Variants in CNTNAP2 observed in about 807,000 individuals in gnomAD.
CNTNAP2 encodes contactin-associated protein-like 2.
Under a neutral mutation model 155.2 loss-of-function variants are expected in CNTNAP2, and 98 were observed. The observed-to-expected ratio is 0.63, with a 90% CI of 0.54 to 0.75. CNTNAP2 has a LOEUF of 0.75. Ranked by LOEUF, CNTNAP2 falls within the 30% of genes least tolerant of loss-of-function variation. The pLI, the probability that CNTNAP2 is intolerant of heterozygous loss-of-function variation, is 0.00. For missense variants in CNTNAP2, 1,727 were observed against 1,688.1 expected (o/e 1.02, Z -0.40); for synonymous variants, 651 against 631.2 (o/e 1.03, Z -0.47).
At chr7:148,135,508 A>G (rs1025805760) in intron 16 of CNTNAP2, among the ~76,000 whole-genome samples, 1 of 152,142 alleles carries the variant, frequency 6.6e-6, no homozygotes, top group Non-Finnish European at 1.5e-5. Flanking sequence ...TTTTTATCAC[A>G]TACTCACATA....
At chr7:146,438,607 A>T (rs1248819311) in intron 1 of CNTNAP2, among the ~76,000 whole-genome samples, 1 of 151,494 alleles carries the variant, frequency 6.6e-6, no homozygotes, top group Non-Finnish European at 1.5e-5. Flanking sequence ...GGTTATTTTC[A>T]TGAAAATAGC....
chr7:147,586,543 AAGGGAGGGAGGGAGGG>A (rs751000962), intron 12 of CNTNAP2, among the ~76,000 whole-genome samples: 15 of 48,918 alleles, frequency 3.1e-4, no homozygotes, highest in African/African-American at 1.1e-3. Flanking sequence ...GGAAGGAAGG[AAGGGAGGGAGGGAGGG>A]AGGGAGGGAG....
chr7:147,425,323 T>G (rs1000006316), intron 10 of CNTNAP2, among the ~76,000 whole-genome samples: 1 of 151,472 alleles, frequency 6.6e-6, no homozygotes, highest in African/African-American at 2.4e-5. Flanking sequence ...GTATGAAAAA[T>G]AGAGAGGATT....
intron 3 of CNTNAP2, among the ~76,000 whole-genome samples, chr7:146,889,010 C>T (rs145697903): frequency 6.6e-6 from 1 of 152,088 alleles, no homozygotes; most frequent in East Asian, 1.9e-4. Flanking sequence ...CACAGATACA[C>T]ACATGCACAC....
At chr7:146,182,248 G>A (rs1439129140) in intron 1 of CNTNAP2, among the ~76,000 whole-genome samples, 1 of 151,980 alleles carries the variant, frequency 6.6e-6, no homozygotes, top group East Asian at 1.9e-4. Context: ...CTTTTTGTTT[G>A]TTTGTTTGAT....
chr7:147,033,221 C>G (rs1185658432), intron 3 of CNTNAP2, among the ~76,000 whole-genome samples: 2 of 136,632 alleles, frequency 1.5e-5, no homozygotes, highest in African/African-American at 2.7e-5. Flanking sequence ...GTTGGCATGT[C>G]TCACAATGTT....
intron 14 of CNTNAP2, among the ~76,000 whole-genome samples, chr7:147,933,076 TG>T (rs1800535072): frequency 6.8e-6 from 1 of 146,484 alleles, no homozygotes; most frequent in Non-Finnish European, 1.5e-5. Flanking sequence ...TTTGTTTGTT[TG>T]TTTGTTTGTT....
chr7:146,668,865 T>A (rs1230640035), intron 1 of CNTNAP2, among the ~76,000 whole-genome samples: 1 of 152,118 alleles, frequency 6.6e-6, no homozygotes, highest in East Asian at 1.9e-4. Flanking sequence ...TTTTCATTTA[T>A]GATTTTTATT....
chr7:147,607,988 T>C (rs1215297999), intron 12 of CNTNAP2, among the ~76,000 whole-genome samples: 1 of 152,218 alleles, frequency 6.6e-6, no homozygotes, highest in Non-Finnish European at 1.5e-5. Context: ...TTTACATTTT[T>C]AGGTTGGACC....
At chr7:148,066,216 T>C (rs1036428778) in intron 15 of CNTNAP2, among the ~76,000 whole-genome samples, 5 of 152,222 alleles carry the variant, frequency 3.3e-5, no homozygotes, top group Non-Finnish European at 7.3e-5. Flanking sequence ...GCTCGTAAGA[T>C]TCTTTCCTTT....
At chr7:146,523,797 C>T (rs553861616) in intron 1 of CNTNAP2, among the ~76,000 whole-genome samples, 2 of 152,214 alleles carry the variant, frequency 1.3e-5, no homozygotes, top group Middle Eastern at 3.4e-3. Flanking sequence ...AATTAAATCA[C>T]CAACATTATT....
chr7:146,234,342 A>G (rs1426266434), intron 1 of CNTNAP2, among the ~76,000 whole-genome samples: 3 of 152,072 alleles, frequency 2.0e-5, no homozygotes, highest in Admixed American at 6.6e-5. Flanking sequence ...GTTTGAGTTC[A>G]TTGTATATTC....
In CNTNAP2 at chr7:146,163,273, C is replaced by T. The variant is rs558103358; in HGVS notation, c.97+46300C>T. 7.9e-5 allele frequency among the ~76,000 whole-genome samples: 12 copies of T among 151,572 alleles called. No individual in the cohort carries two copies. In the East Asian group the frequency reaches 2.3e-3, roughly 29 times the overall value. ...CATTCTTCATCAGTTCTCAAAATAT[C>T]ATCTAAAAGGAAAGGGTGAGCCAGA... On this transcript the variant is annotated intron_variant, in intron 1 of 23. Transcript: ENST00000361727.
At chr7:147,140,207 C>A (rs1801564518) in intron 8 of CNTNAP2, among the ~76,000 whole-genome samples, 1 of 152,034 alleles carries the variant, frequency 6.6e-6, no homozygotes, top group African/African-American at 2.4e-5. Context: ...TCTGTTCTCT[C>A]TACAATCACT....
intron 1 of CNTNAP2, among the ~76,000 whole-genome samples, chr7:146,241,608 AT>A (rs11440591): frequency 0.15 from 23,287 of 151,976 alleles, 2,108 homozygotes; most frequent in African/African-American, 0.24. Flanking sequence ...TTAATGTGAC[AT>A]TTTTTTTAGA....
At chr7:147,016,394 A>G (rs181610658) in intron 3 of CNTNAP2, among the ~76,000 whole-genome samples, 1 of 152,240 alleles carries the variant, frequency 6.6e-6, no homozygotes, top group Admixed American at 6.5e-5. Context: ...CCTGTATTCA[A>G]ATCTCCCCTC....
At chr7:146,447,161 C>T (rs987114739) in intron 1 of CNTNAP2, among the ~76,000 whole-genome samples, 1 of 152,000 alleles carries the variant, frequency 6.6e-6, no homozygotes, top group African/African-American at 2.4e-5. Context: ...CTGCATCTAA[C>T]ATTTGGGGGA....
intron 3 of CNTNAP2, among the ~76,000 whole-genome samples, chr7:146,912,852 C>T (rs1796313292): frequency 6.6e-6 from 1 of 152,136 alleles, no homozygotes; most frequent in South Asian, 2.1e-4. Flanking sequence ...ATTGTTGCCT[C>T]TTTATTCTCT....
intron 21 of CNTNAP2, among the ~76,000 whole-genome samples, chr7:148,294,131 T>C (rs1040048850): frequency 6.6e-6 from 1 of 151,510 alleles, no homozygotes; most frequent in African/African-American, 2.4e-5. Context: ...ATTCTATGTG[T>C]ATGCCATGCC....
Sources: gnomAD v4.1 joint callset for allele counts (sites outside exome capture counted in the v4.1 genomes callset) on GRCh38, gnomAD v4.1.1 for gene constraint, MANE v1.5 for transcripts, NCBI Gene and HGNC (gene_info 2026-07-23, HGNC 2026-07-21) for gene names.